Variants in USP47 observed in about 807,000 individuals in gnomAD.
USP47 encodes ubiquitin carboxyl-terminal hydrolase 47.
In USP47, 35 loss-of-function variants were observed where a neutral mutation model predicts 165.1. That is an observed-to-expected ratio of 0.21 (90% CI 0.16 to 0.28). The LOEUF is 0.28. Among genes scored for constraint, USP47 ranks in the 10% least tolerant of loss-of-function variants. USP47 has a pLI of 1.00. For missense variants in USP47, 1,277 were observed against 1,607.4 expected (o/e 0.79, Z 3.52); for synonymous variants, 531 against 544.5 (o/e 0.98, Z 0.35).
chr11:11,895,274 G>C (rs1851777695), intron 4 of USP47, among the ~76,000 whole-genome samples: 1 of 151,980 alleles, frequency 6.6e-6, no homozygotes, highest in African/African-American at 2.4e-5. Context: ...CGCATTTACT[G>C]TTCCTCACAC....
chr11:11,919,542 C>A (rs192245766), intron 8 of USP47, among the ~76,000 whole-genome samples: 2 of 151,842 alleles, frequency 1.3e-5, no homozygotes, highest in Non-Finnish European at 1.5e-5. Flanking sequence ...AAGAGAACCA[C>A]GTGGTTCTAC....
chr11:11,929,669 C>T (rs1434827958), intron 12 of USP47, 104 bp downstream of exon 12: 4 of 1,418,682 alleles, frequency 2.8e-6, no homozygotes, highest in Non-Finnish European at 2.8e-6. Context: ...TCTAGTGATA[C>T]ATCTTAAGAC....
At position 11,942,411 on chromosome 11, in the gene USP47, G is replaced by A. The variant is rs761353826; in HGVS notation, c.2390G>A (p.Arg797Gln). Reference protein sequence around the residue: ...ADSHLWKLLDRHANTIRLFVL... With the variant: ...ADSHLWKLLDQHANTIRLFVL... The stretch of plus-strand genomic sequence containing the variant: ...TCTCATTTATGGAAACTCCTGGATC[G>A]GCATGCAAATACAATCAGATTATTT... Residue 797 changes from arginine (R) to glutamine (Q), a missense_variant, in exon 20 of 28, where the codon CGG becomes CAG. Physicochemically the swap from Arg to Gln is conservative, Grantham distance 43. This residue lies in a region of USP47 where 909 missense variants were observed against 1,068.1 expected (regional missense o/e 0.85). Coordinates refer to ENST00000527733, the MANE Select transcript of USP47 (RefSeq NM_001282659.2). 1.1e-5 allele frequency: 17 copies of A among 1,613,226 alleles called. No individual in the cohort carries two copies. Among genetic ancestry groups the A allele is most frequent in the African/African-American group, 5.3e-5 (4 of 74,852 alleles).
At chr11:11,877,080 T>C (rs1354379027) in intron 1 of USP47, among the ~76,000 whole-genome samples, 1 of 152,170 alleles carries the variant, frequency 6.6e-6, no homozygotes, top group African/African-American at 2.4e-5. Context: ...TACATTTAAA[T>C]GTTTTGGAAA....
chr11:11,845,960 G>C (rs1267210724), intron 1 of USP47, among the ~76,000 whole-genome samples: 1 of 152,202 alleles, frequency 6.6e-6, no homozygotes, highest in Non-Finnish European at 1.5e-5. Flanking sequence ...GGAGAGGGTA[G>C]CCTGAGAACT....
chr11:11,901,590 T>C (rs895749454), intron 5 of USP47, among the ~76,000 whole-genome samples: 4 of 152,184 alleles, frequency 2.6e-5, no homozygotes, highest in Admixed American at 2.6e-4. Context: ...AAATCTTACC[T>C]GGATTATTAT....
At chr11:11,893,709 C>T (rs947919854) in intron 4 of USP47, among the ~76,000 whole-genome samples, 1 of 151,692 alleles carries the variant, frequency 6.6e-6, no homozygotes, top group South Asian at 2.1e-4. Flanking sequence ...TGCATCACAA[C>T]GCCTGGCTTT....
rs908779793 is a variant in USP47 at position 11,960,696 on chromosome 11, G to C, written c.*4521G>C. ...TTGGTCATCTTTATACAGGGCAATT[G>C]TGCTGCTGCTGCTGAGGTGGCCACT... On this transcript the variant is annotated 3_prime_UTR_variant, in exon 28 of 28. Coordinates refer to ENST00000527733, the MANE Select transcript of USP47 (RefSeq NM_001282659.2). 8.5e-5 allele frequency among the ~76,000 whole-genome samples: 13 copies of C among 152,344 alleles called. No homozygotes were observed. In the South Asian group the frequency reaches 2.5e-3, roughly 29 times the overall value.
At position 11,938,376 on chromosome 11, in the gene USP47, A is replaced by C; in HGVS notation, c.2193+4A>C. The C allele has an allele frequency of 6.2e-7, 1 of 1,609,692 alleles. No individual in the cohort carries two copies. The highest frequency in any genetic ancestry group is 1.7e-4 in the Middle Eastern group (1 of 5,982). ...ATTCAAACAACTGATTTCAAAGGTAAGTTTTAAAAGGGGTCTGTAAATAAA... is the reference window on the plus strand; with the variant it reads ...ATTCAAACAACTGATTTCAAAGGTACGTTTTAAAAGGGGTCTGTAAATAAA... On this transcript the variant is annotated splice_donor_region_variant and intron_variant, in intron 18 of 27. Transcript: ENST00000527733.
At chr11:11,880,130 T>G in intron 1 of USP47, 47 bp from the exon 2 acceptor site, 1 of 1,297,710 alleles carries the variant, frequency 7.7e-7, no homozygotes, top group Non-Finnish European at 1.0e-6. Flanking sequence ...TACTTTTGTT[T>G]TGCTTTAAAG....
chr11:11,852,129 G>A (rs1848762062), intron 1 of USP47, among the ~76,000 whole-genome samples: 1 of 152,136 alleles, frequency 6.6e-6, no homozygotes, highest in South Asian at 2.1e-4. Flanking sequence ...AGACCATGCA[G>A]ATAACCTATT....
intron 23 of USP47, 136 bp from the exon 24 acceptor site, chr11:11,950,227 TC>T (rs34604353): frequency 2.8e-6 from 2 of 724,832 alleles, no homozygotes; most frequent in African/African-American, 1.8e-5. Context: ...TTTCTTTATT[TC>T]CCCAGATTTT....
At chr11:11,913,104 A>T (rs896415988) in intron 8 of USP47, among the ~76,000 whole-genome samples, 3 of 152,052 alleles carry the variant, frequency 2.0e-5, no homozygotes, top group African/African-American at 7.2e-5. Context: ...CTAGGCAAGG[A>T]TGTCTGCTCC....
At chr11:11,934,196 C>A (rs1854887378) in intron 16 of USP47, among the ~76,000 whole-genome samples, 1 of 152,052 alleles carries the variant, frequency 6.6e-6, no homozygotes, top group Non-Finnish European at 1.5e-5. Flanking sequence ...TTTGCTCTTT[C>A]TATTCATTTA....
intron 1 of USP47, among the ~76,000 whole-genome samples, chr11:11,846,300 A>G (rs891600847): frequency 1.9e-4 from 29 of 152,140 alleles, no homozygotes; most frequent in African/African-American, 6.8e-4. Flanking sequence ...CTCACTGTGC[A>G]TATTACTGTA....
At position 11,957,268 on chromosome 11, in the gene USP47, T is replaced by TGA. The variant is rs142592888; in HGVS notation, c.*1094_*1095dup. ...TTTGGGAAACGTCTTAACATTGTTC[T>TGA]GAATAAACTTGCTAATGAGGTCAGG... On this transcript the variant is annotated 3_prime_UTR_variant, in exon 28 of 28. Transcript: ENST00000527733. 19,585 of 152,324 alleles carry TGA rather than the reference T, an allele frequency of 0.13. 1,600 individuals are homozygous for TGA. The highest frequency in any genetic ancestry group is 0.39 in the Middle Eastern group (115 of 294). The allele number at this position is 152,324 out of a possible 1,614,324, so 9.4% of individuals were successfully genotyped here.
In USP47 at chr11:11,934,554, G is replaced by A. The variant is rs566983838; in HGVS notation, c.1869+619G>A. ...GGCCCATGCTCAAGGAAGAATATTC[G>A]AAGTAGAGTGAACAGCATGTGCAAA... On this transcript the variant is annotated intron_variant, in intron 16 of 27. Transcript: ENST00000527733. 1.9e-3 allele frequency among the ~76,000 whole-genome samples: 284 copies of A among 152,146 alleles called. 5 individuals carry two copies. Among genetic ancestry groups the A allele is most frequent in the South Asian group, 2.7e-3 (13 of 4,820 alleles).
At chr11:11,872,967 C>A (rs1850164816) in intron 1 of USP47, among the ~76,000 whole-genome samples, 1 of 151,966 alleles carries the variant, frequency 6.6e-6, no homozygotes, top group South Asian at 2.1e-4. Context: ...TATTGAGGGA[C>A]AAGAAGTAGA....
chr11:11,932,115 G>A (rs1239167837), intron 14 of USP47, among the ~76,000 whole-genome samples: 2 of 152,154 alleles, frequency 1.3e-5, no homozygotes, highest in Non-Finnish European at 2.9e-5. Context: ...GGAGCTTTCA[G>A]TCATGTCAGA....
Sources: allele counts gnomAD v4.1 joint callset (sites outside exome capture counted in the v4.1 genomes callset), GRCh38; gene constraint gnomAD v4.1.1; regional missense constraint gnomAD v4.1.1; transcripts MANE v1.5; gene names NCBI Gene and HGNC (gene_info 2026-07-23, HGNC 2026-07-21).